The following PALM2AKAP2 variants were observed in gnomAD, a reference collection of about 807,000 sequenced individuals.
PALM2AKAP2 encodes PALM2-AKAP2 fusion protein.
A neutral mutation model predicts 71.5 loss-of-function variants in PALM2AKAP2; 37 were observed. The ratio of observed to expected loss-of-function variants is 0.52; its 90% CI spans 0.40 to 0.68. The LOEUF is 0.68. Ranked by LOEUF, PALM2AKAP2 falls within the 30% of genes least tolerant of loss-of-function variation. The pLI is 0.00. For missense variants in PALM2AKAP2, 1,224 were observed against 1,191.8 expected (o/e 1.03, Z -0.40); for synonymous variants, 468 against 478.8 (o/e 0.98, Z 0.29).
At chr9:109,740,596 C>T (rs2476930) in intron 1 of PALM2AKAP2, among the ~76,000 whole-genome samples, 68,793 of 152,008 alleles carry the variant, frequency 0.45, 15,905 homozygotes, top group East Asian at 0.5. Flanking sequence ...TGGTAGAAGA[C>T]GAGGTCTGGG....
Position 109,643,057 on chromosome 9 carries a change from GAGAA to G in PALM2AKAP2, c.5+2203_5+2206del, listed in dbSNP as rs1174225684. ...GGAAGGAAGGAAGGAAGAAGAAAAA[GAGAA>G]AGAAAGAAAGAGAAAGAAAGAAAGA... On this transcript the variant is annotated intron_variant, in intron 1 of 6. Transcript: ENST00000374531. Among the ~76,000 whole-genome samples the G allele has an allele frequency of 7.6e-5, 11 of 145,300 alleles. No individual in the cohort carries two copies. In the East Asian group the frequency reaches 1.8e-3, roughly 24 times the overall value.
chr9:109,698,907 A>G (rs1828012847), intron 1 of PALM2AKAP2, among the ~76,000 whole-genome samples: 1 of 152,188 alleles, frequency 6.6e-6, no homozygotes, highest in African/African-American at 2.4e-5. Context: ...TGTCTTTTCA[A>G]TGTACAAAAA....
At chr9:109,902,182 C>T (rs1464500085) in intron 3 of PALM2AKAP2, among the ~76,000 whole-genome samples, 2 of 152,218 alleles carry the variant, frequency 1.3e-5, no homozygotes. Context: ...CAAGCTACTT[C>T]ACCCATCTGC....
intron 3 of PALM2AKAP2, among the ~76,000 whole-genome samples, chr9:109,908,639 G>A (rs959484405): frequency 4.6e-5 from 7 of 152,148 alleles, no homozygotes; most frequent in Non-Finnish European, 7.3e-5. Context: ...GTTGTTTGAC[G>A]TTAATTTTTT....
chr9:109,855,411 A>G (rs748924887), intron 1 of PALM2AKAP2, among the ~76,000 whole-genome samples: 1 of 152,222 alleles, frequency 6.6e-6, no homozygotes, highest in Non-Finnish European at 1.5e-5. Context: ...TTTTATTTAT[A>G]CATTTTCAGT....
intron 1 of PALM2AKAP2, among the ~76,000 whole-genome samples, chr9:109,714,974 T>G (rs989337025): frequency 1.3e-5 from 2 of 152,180 alleles, no homozygotes; most frequent in Admixed American, 6.5e-5. Context: ...AGCACTTGCA[T>G]CCTACTGTGC....
intron 1 of PALM2AKAP2, among the ~76,000 whole-genome samples, chr9:110,072,015 A>G (rs1379325501): frequency 6.6e-6 from 1 of 152,192 alleles, no homozygotes; most frequent in African/African-American, 2.4e-5. Flanking sequence ...GTAGTAGTTC[A>G]TATTATTAAC....
chr9:109,895,869 A>G (rs538286752), intron 3 of PALM2AKAP2, among the ~76,000 whole-genome samples: 11 of 152,286 alleles, frequency 7.2e-5, no homozygotes, highest in African/African-American at 2.6e-4. Flanking sequence ...TTTACATGGC[A>G]GCAGCAAGGA....
intron 1 of PALM2AKAP2, among the ~76,000 whole-genome samples, chr9:109,669,275 T>C (rs1488471656): frequency 6.6e-6 from 1 of 152,172 alleles, no homozygotes; most frequent in Non-Finnish European, 1.5e-5. Context: ...TCCTTTTTTT[T>C]TCAATGAATA....
chr9:110,137,691 C>T, exon 2 of PALM2AKAP2: 2 of 1,614,108 alleles, frequency 1.2e-6, no homozygotes, highest in Non-Finnish European at 1.7e-6. Context: ...TCTCAGGATA[C>T]CACAGTCCTG....
intron 1 of PALM2AKAP2, among the ~76,000 whole-genome samples, chr9:110,134,312 A>G (rs2418071): frequency 0.15 from 22,388 of 152,088 alleles, 1,874 homozygotes; most frequent in Middle Eastern, 0.26. Flanking sequence ...GGCAAAAACT[A>G]CTATTTAATG....
At chr9:109,799,257 G>T (rs1827352125) in intron 1 of PALM2AKAP2, among the ~76,000 whole-genome samples, 1 of 152,230 alleles carries the variant, frequency 6.6e-6, no homozygotes, top group African/African-American at 2.4e-5. Context: ...TGATGGGCAG[G>T]GGGTGCTGGA....
chr9:109,750,096 A>G (rs1162275712), intron 1 of PALM2AKAP2, among the ~76,000 whole-genome samples: 1 of 152,228 alleles, frequency 6.6e-6, no homozygotes, highest in African/African-American at 2.4e-5. Flanking sequence ...CTGGATGGTT[A>G]TAGTTAAGGA....
chr9:110,135,801 C>T (rs978911371), intron 1 of PALM2AKAP2, among the ~76,000 whole-genome samples: 1 of 152,162 alleles, frequency 6.6e-6, no homozygotes, highest in Non-Finnish European at 1.5e-5. Context: ...TATTAATAGT[C>T]GTATTGCACA....
At chr9:110,073,820 T>C (rs1039877538) in intron 1 of PALM2AKAP2, among the ~76,000 whole-genome samples, 1 of 152,208 alleles carries the variant, frequency 6.6e-6, no homozygotes, top group African/African-American at 2.4e-5. Flanking sequence ...GAAATGCTGT[T>C]AGTTTTTTTC....
chr9:109,844,003 C>T (rs997794224), intron 1 of PALM2AKAP2, among the ~76,000 whole-genome samples: 1 of 152,168 alleles, frequency 6.6e-6, no homozygotes, highest in African/African-American at 2.4e-5. Flanking sequence ...ACAAAAACAA[C>T]GGTTTTGCAG....
chr9:109,786,964 ACCACTGATC>A (rs1413613554), intron 1 of PALM2AKAP2, among the ~76,000 whole-genome samples: 1 of 152,146 alleles, frequency 6.6e-6, no homozygotes, highest in Non-Finnish European at 1.5e-5. Context: ...TCCACATTTC[ACCACTGATC>A]CCATTTGGGA....
intron 1 of PALM2AKAP2, among the ~76,000 whole-genome samples, chr9:109,746,209 T>G (rs12379534): frequency 8.8e-4 from 134 of 152,342 alleles, no homozygotes; most frequent in Admixed American, 1.6e-3. Context: ...AAAAATCCAC[T>G]GTGCTCTTGG....
At chr9:109,810,651 A>T (rs796516242) in intron 1 of PALM2AKAP2, among the ~76,000 whole-genome samples, 7 of 152,248 alleles carry the variant, frequency 4.6e-5, no homozygotes, top group African/African-American at 1.7e-4. Flanking sequence ...AGAGGAATAG[A>T]AAATGGAGTA....
Sources: allele counts gnomAD v4.1 joint callset (sites outside exome capture counted in the v4.1 genomes callset), GRCh38; gene constraint gnomAD v4.1.1; transcripts MANE v1.5; gene names NCBI Gene and HGNC (gene_info 2026-07-23, HGNC 2026-07-21).